DIP2B: variants seen among roughly 807,000 people sequenced by gnomAD.
DIP2B encodes DIP2 acetate--CoA ligase B (putative).
In DIP2B, 76 loss-of-function variants were observed where a neutral mutation model predicts 198.0. The ratio of observed to expected loss-of-function variants is 0.38; its 90% CI spans 0.32 to 0.46. The LOEUF (loss-of-function observed/expected upper bound fraction) is 0.46, where lower values mean the gene tolerates loss of function less well. Among genes scored for constraint, DIP2B ranks in the 20% least tolerant of loss-of-function variants. DIP2B has a pLI of 0.99. For synonymous variants in DIP2B, 701 were observed against 739.1 expected (o/e 0.95, Z 0.84); for missense variants, 1,559 against 1,978.4 (o/e 0.79, Z 4.02).
chr12:50,628,361 A>C (rs945144902), intron 2 of DIP2B, among the ~76,000 whole-genome samples: 9 of 152,112 alleles, frequency 5.9e-5, no homozygotes, highest in African/African-American at 2.2e-4. Flanking sequence ...ACAGAGCAAG[A>C]CTCCGTCTCA....
intron 23 of DIP2B, among the ~76,000 whole-genome samples, chr12:50,717,359 CTTTTTT>C (rs137945712): frequency 4.3e-5 from 2 of 46,832 alleles, no homozygotes. Flanking sequence ...CTCACTGCAG[CTTTTTT>C]TTTTTTTTTT....
At chr12:50,736,954 C>T in intron 34 of DIP2B, 82 bp from the exon 35 acceptor site, 1 of 1,388,366 alleles carries the variant, frequency 7.2e-7, no homozygotes, top group Non-Finnish European at 1.0e-6. Flanking sequence ...CTCACCTCTC[C>T]AGCAGGTAAC....
intron 2 of DIP2B, among the ~76,000 whole-genome samples, chr12:50,632,165 TTTAAACTTTA>T (rs940854569): frequency 1.4e-4 from 21 of 152,192 alleles, no homozygotes; most frequent in African/African-American, 4.8e-4. Context: ...GGAATGCAAA[TTTAAACTTTA>T]TTAAACTTTA....
intron 2 of DIP2B, among the ~76,000 whole-genome samples, chr12:50,633,923 A>C (rs1593673249): frequency 6.6e-6 from 1 of 152,194 alleles, no homozygotes; most frequent in African/African-American, 2.4e-5. Flanking sequence ...CAAGAGCCAT[A>C]CCTTATCTGG....
chr12:50,620,377 C>T (rs1937787608), intron 1 of DIP2B, among the ~76,000 whole-genome samples: 1 of 152,162 alleles, frequency 6.6e-6, no homozygotes, highest in South Asian at 2.1e-4. Context: ...AAACATAAGT[C>T]CTTTATACTC....
At chr12:50,689,229 C>G (rs1939181977) in intron 12 of DIP2B, among the ~76,000 whole-genome samples, 2 of 152,010 alleles carry the variant, frequency 1.3e-5, no homozygotes, top group Admixed American at 1.3e-4. Flanking sequence ...GAAATTCTGT[C>G]TCTACAAAAA....
At chr12:50,602,441 G>C (rs2139443825) in intron 1 of DIP2B, among the ~76,000 whole-genome samples, 1 of 152,116 alleles carries the variant, frequency 6.6e-6, no homozygotes, top group South Asian at 2.1e-4. Context: ...GCTAATTTTT[G>C]TATTTTTTGT....
chr12:50,601,978 T>G (rs1273385393), intron 1 of DIP2B, among the ~76,000 whole-genome samples: 1 of 152,226 alleles, frequency 6.6e-6, no homozygotes, highest in Non-Finnish European at 1.5e-5. Context: ...TCTCATTTTG[T>G]GATCAGAGAG....
At position 50,622,145 on chromosome 12, in the gene DIP2B, C is replaced by A. The variant is rs139595289; in HGVS notation, c.101-3831C>A. On this transcript the variant is annotated intron_variant, in intron 1 of 37. Transcript: ENST00000301180. ...TGGAGGTAGGAGATCTTGTGAGTGG[C>A]GAATGGAACAGAAGAATGCTTTGGT... is the stretch of plus-strand genomic sequence containing the variant. Among the ~76,000 whole-genome samples the A allele has an allele frequency of 7.6e-4, 116 of 152,118 alleles. 3 individuals carry two copies. Among genetic ancestry groups the A allele is most frequent in the Admixed American group, 6.3e-3 (96 of 15,272 alleles).
intron 1 of DIP2B, among the ~76,000 whole-genome samples, chr12:50,612,588 T>A (rs957300668): frequency 6.6e-6 from 1 of 151,934 alleles, no homozygotes; most frequent in Non-Finnish European, 1.5e-5. Context: ...GCCACCATGC[T>A]GGGCTAATTT....
intron 30 of DIP2B, among the ~76,000 whole-genome samples, 157 bp downstream of exon 30, chr12:50,728,835 TA>T (rs1280867158): frequency 1.3e-5 from 2 of 152,242 alleles, no homozygotes; most frequent in Non-Finnish European, 2.9e-5. Flanking sequence ...GAAGTTTGTT[TA>T]AAAACAGTTT....
chr12:50,570,634 C>T (rs994111797), intron 1 of DIP2B, among the ~76,000 whole-genome samples: 9 of 152,140 alleles, frequency 5.9e-5, no homozygotes, highest in Non-Finnish European at 1.2e-4. Flanking sequence ...CACTTGAATC[C>T]GGGAGGCAGA....
At chr12:50,736,966 A>C in intron 34 of DIP2B, 70 bp from the exon 35 acceptor site, 19 of 1,482,792 alleles carry the variant, frequency 1.3e-5, no homozygotes, top group Non-Finnish European at 1.8e-5. Flanking sequence ...GCAGGTAACT[A>C]ACCGTGCGTT....
intron 1 of DIP2B, among the ~76,000 whole-genome samples, chr12:50,531,512 A>G (rs544511760): frequency 6.6e-6 from 1 of 152,358 alleles, no homozygotes; most frequent in South Asian, 2.1e-4. Context: ...CTTGTTGCAT[A>G]GAGTTTGAGA....
chr12:50,593,983 C>G (rs943159549), intron 1 of DIP2B, among the ~76,000 whole-genome samples: 1 of 142,432 alleles, frequency 7.0e-6, no homozygotes, highest in African/African-American at 2.7e-5. Flanking sequence ...TCTTGTCGCC[C>G]AGGCTGGAAT....
At chr12:50,617,197 C>T (rs939576108) in intron 1 of DIP2B, among the ~76,000 whole-genome samples, 2 of 151,252 alleles carry the variant, frequency 1.3e-5, no homozygotes, top group African/African-American at 4.9e-5. Context: ...GCTCTGTCAC[C>T]TAGGCTGGAG....
intron 17 of DIP2B, among the ~76,000 whole-genome samples, chr12:50,697,405 C>A (rs769987062): frequency 7.2e-5 from 11 of 152,102 alleles, no homozygotes; most frequent in Admixed American, 3.3e-4. Flanking sequence ...CTTCGGAATC[C>A]ATAGCACCTT....
Position 50,745,153 on chromosome 12 carries a change from G to C in DIP2B, c.*314G>C. 3.2e-6 allele frequency: 1 copy of C among 314,224 alleles called. No homozygotes were observed. Among genetic ancestry groups the C allele is most frequent in the East Asian group, 7.2e-5 (1 of 13,840 alleles). The allele number at this position is 314,224 out of a possible 1,614,324, so 19.5% of individuals were successfully genotyped here. A position where few individuals can be genotyped will look rare whatever the true frequency, so the allele number is the denominator to read the frequency against. The stretch of plus-strand genomic sequence containing the variant: ...TGTATTTTTATCTAATGCCATTTTA[G>C]AATTTTCTAAGGGAATTTAATGAAT... On this transcript the variant is annotated 3_prime_UTR_variant, in exon 38 of 38. Transcript: ENST00000301180.
chr12:50,589,615 T>C (rs1958801630), intron 1 of DIP2B, among the ~76,000 whole-genome samples: 1 of 152,004 alleles, frequency 6.6e-6, no homozygotes, highest in Admixed American at 6.6e-5. Context: ...CAGGAAATGA[T>C]TGGTGCAAGG....
Sources: gnomAD v4.1 joint callset for allele counts (sites outside exome capture counted in the v4.1 genomes callset) on GRCh38, gnomAD v4.1.1 for gene constraint, MANE v1.5 for transcripts, NCBI Gene and HGNC (gene_info 2026-07-23, HGNC 2026-07-21) for gene names.